The following CBX5 variants were observed in gnomAD, a reference collection of about 807,000 sequenced individuals.
CBX5 encodes the protein chromobox protein homolog 5.
A neutral mutation model predicts 20.7 loss-of-function variants in CBX5; 7 were observed. That is an observed-to-expected ratio of 0.34 (90% CI 0.19 to 0.63). The LOEUF is 0.63. Ranked by LOEUF, CBX5 falls within the 30% of genes least tolerant of loss-of-function variation. CBX5 has a pLI of 0.75. For synonymous variants in CBX5, 78 were observed against 77.0 expected (o/e 1.01, Z -0.07); for missense variants, 110 against 224.1 (o/e 0.49, Z 3.25).
chr12:54,259,520 A>G (rs1453250257), intron 1 of CBX5: 1 of 152,606 alleles, frequency 6.6e-6, no homozygotes, highest in Non-Finnish European at 1.5e-5. Context: ...GGATCGCCCC[A>G]GTTCTTTCTT....
At chr12:54,276,687 T>C (rs1050127512) in intron 1 of CBX5, 9 of 152,218 alleles carry the variant, frequency 5.9e-5, no homozygotes, top group Non-Finnish European at 1.0e-4. Flanking sequence ...CCTGGGTCTA[T>C]AAACAGCTGT....
chr12:54,262,044 G>C lies in CBX5; in HGVS notation c.-42-4352C>G, dbSNP rs73321066. On this transcript the variant is annotated intron_variant, in intron 1 of 4. Transcript: ENST00000209875. ...ACACATTAGTAGATAGCAAGAAAAA[G>C]AGGAACAGTGTCTTTGTTAACTAGG... Among the ~76,000 whole-genome samples, 336 of 152,314 alleles carry C rather than the reference G, an allele frequency of 2.2e-3. 3 individuals are homozygous for C. Among genetic ancestry groups the C allele is most frequent in the African/African-American group, 7.8e-3 (325 of 41,566 alleles).
At chr12:54,270,677 TGTGTA>T (rs545411817) in intron 1 of CBX5, among the ~76,000 whole-genome samples, 51 of 152,348 alleles carry the variant, frequency 3.3e-4, no homozygotes, top group African/African-American at 1.2e-3. Flanking sequence ...AGAAGTGTGT[TGTGTA>T]ATTTCAAAAT....
chr12:54,268,765 T>C (rs980206649), intron 1 of CBX5, among the ~76,000 whole-genome samples: 2 of 152,148 alleles, frequency 1.3e-5, no homozygotes, highest in African/African-American at 2.4e-5. Context: ...AACTTGTCAA[T>C]AGTGGAAAGA....
rs976314830 is a variant in CBX5 at position 54,238,979 on chromosome 12, T to C, written c.*2776A>G. ...TGAAACAGGTTTCTGTTTGAGGCTG[T>C]AATTCTTCTAGGGCAAGAACATCTA... On this transcript the variant is annotated 3_prime_UTR_variant, in exon 5 of 5. Transcript: ENST00000209875. 1.3e-5 allele frequency: 2 copies of C among 152,386 alleles called. No individual in the cohort carries two copies. Among genetic ancestry groups the C allele is most frequent in the East Asian group, 3.9e-4 (2 of 5,192 alleles). 9.4% of individuals were successfully genotyped at this position (152,386 alleles called of 1,614,324 possible).
In CBX5 at chr12:54,271,668, T is replaced by C. The variant is rs1422758796; in HGVS notation, c.-43+8340A>G. On this transcript the variant is annotated intron_variant, in intron 1 of 4. Transcript: ENST00000209875. ...TCCTTTGTGTATGTTGAAGCTTTAT[T>C]ATTAGCTTTTAGGACATTTAGGATT... is the stretch of plus-strand genomic sequence containing the variant. Among the ~76,000 whole-genome samples the C allele has an allele frequency of 3.3e-5, 5 of 152,238 alleles. No individual in the cohort carries two copies. The East Asian group carries it at 9.6e-4, about 29-fold the overall frequency.
chr12:54,245,778 C>CT (rs1350367755), intron 4 of CBX5, among the ~76,000 whole-genome samples: 5 of 151,426 alleles, frequency 3.3e-5, no homozygotes, highest in Non-Finnish European at 7.4e-5. Context: ...CAACAAGAGA[C>CT]TTTGTCTCAA....
In CBX5 at chr12:54,240,041, C is replaced by T. The variant is rs1943660548; in HGVS notation, c.*1714G>A. On this transcript the variant is annotated 3_prime_UTR_variant, in exon 5 of 5. Coordinates refer to ENST00000209875, the MANE Select transcript of CBX5 (RefSeq NM_012117.3). ...TGTATGTTTTAAAAATCAAAAACAA[C>T]AAGAAAAGCAGCCTCATGGCTGGTG... is the stretch of plus-strand genomic sequence containing the variant. 1 of 152,142 alleles carries T rather than the reference C, an allele frequency of 6.6e-6. No homozygotes were observed. 9.4% of individuals were successfully genotyped at this position (152,142 alleles called of 1,614,324 possible).
At chr12:54,246,780 CAA>C (rs772454046) in intron 3 of CBX5, among the ~76,000 whole-genome samples, 236 of 46,216 alleles carry the variant, frequency 5.1e-3, no homozygotes, top group African/African-American at 0.017. Context: ...GACTCCGTCT[CAA>C]AAAAAAAAAA....
In CBX5 at chr12:54,239,865, A is replaced by C. The variant is rs1332249938; in HGVS notation, c.*1890T>G. On this transcript the variant is annotated 3_prime_UTR_variant, in exon 5 of 5. Coordinates refer to ENST00000209875, the MANE Select transcript of CBX5 (RefSeq NM_012117.3). The stretch of plus-strand genomic sequence containing the variant: ...TTATATAAGCACACAGAATTCAATC[A>C]GCAGCTGAGCAGGGAAGCAATGTTA... 6.6e-6 allele frequency: 1 copy of C among 152,256 alleles called. No individual in the cohort carries two copies. Among genetic ancestry groups the C allele is most frequent in the Non-Finnish European group, 1.5e-5 (1 of 68,042 alleles). The allele number at this position is 152,256 out of a possible 1,614,324, so 9.4% of individuals were successfully genotyped here.
intron 1 of CBX5, among the ~76,000 whole-genome samples, chr12:54,279,250 AAC>A (rs890522716): frequency 2.6e-5 from 4 of 152,190 alleles, no homozygotes; most frequent in East Asian, 1.9e-4. Flanking sequence ...CTAACATTTT[AAC>A]AGTCTTCCTA....
intron 3 of CBX5, among the ~76,000 whole-genome samples, chr12:54,246,465 TAA>T (rs1943736864): frequency 6.6e-6 from 1 of 152,080 alleles, no homozygotes; most frequent in Non-Finnish European, 1.5e-5. Context: ...TGGTGAACCC[TAA>T]AAGTCTCTAA....
chr12:54,278,938 G>T (rs370289552), intron 1 of CBX5: 2 of 152,174 alleles, frequency 1.3e-5, no homozygotes, highest in Middle Eastern at 3.2e-3. Context: ...CTGGGCACAT[G>T]GATTACATAA....
intron 4 of CBX5, among the ~76,000 whole-genome samples, chr12:54,245,005 T>C (rs1035619064): frequency 6.6e-6 from 1 of 150,928 alleles, no homozygotes; most frequent in Non-Finnish European, 1.5e-5. Context: ...TATATATATA[T>C]ATTTATTATT....
At position 54,238,968 on chromosome 12, in the gene CBX5, GTT is replaced by G. The variant is rs1943649984; in HGVS notation, c.*2785_*2786del. ...AGAAAGCTCCATGAAACAGGTTTCT[GTT>G]TGAGGCTGTAATTCTTCTAGGGCAA... On this transcript the variant is annotated 3_prime_UTR_variant, in exon 5 of 5. Transcript: ENST00000209875. 6.6e-6 allele frequency: 1 copy of G among 152,238 alleles called. No individual in the cohort carries two copies. Among genetic ancestry groups the G allele is most frequent in the African/African-American group, 2.4e-5 (1 of 41,462 alleles). 9.4% of individuals were successfully genotyped at this position (152,238 alleles called of 1,614,324 possible). A position where few individuals can be genotyped will look rare whatever the true frequency, so the allele number is the denominator to read the frequency against.
Position 54,251,934 on chromosome 12 carries a change from T to C in CBX5, c.324+107A>G, listed in dbSNP as rs1256652344. ...CTCTTTTGTTCAACAATTTACCTTA[T>C]AGGTCCATCCTTACAATAGAAATAA... On this transcript the variant is annotated intron_variant, in intron 3 of 4. Transcript: ENST00000209875. 9 of 939,714 alleles carry C rather than the reference T, an allele frequency of 9.6e-6. No homozygotes were observed. The East Asian group carries it at 1.2e-4, about 12-fold the overall frequency. 58.2% of individuals were successfully genotyped at this position (939,714 alleles called of 1,614,324 possible). A position where few individuals can be genotyped will look rare whatever the true frequency, so the allele number is the denominator to read the frequency against.
intron 3 of CBX5, among the ~76,000 whole-genome samples, chr12:54,247,245 A>G (rs1039358470): frequency 2.6e-5 from 3 of 113,786 alleles, no homozygotes; most frequent in Admixed American, 8.7e-5. Context: ...AACAAACAAA[A>G]AAGAAAACAA....
intron 4 of CBX5, among the ~76,000 whole-genome samples, chr12:54,244,164 G>A (rs1943708708): frequency 6.6e-6 from 1 of 150,672 alleles, no homozygotes; most frequent in African/African-American, 2.4e-5. Flanking sequence ...ACCAAGCCTG[G>A]CTATTTTTTT....
intron 1 of CBX5, 56 bp from the exon 2 acceptor site, chr12:54,257,748 T>C: frequency 1.4e-6 from 2 of 1,391,056 alleles, no homozygotes; most frequent in Non-Finnish European, 2.0e-6. Flanking sequence ...AAAAACTTTG[T>C]CTTTTCTTGA....
Sources: allele counts gnomAD v4.1 joint callset (sites outside exome capture counted in the v4.1 genomes callset), GRCh38; gene constraint gnomAD v4.1.1; transcripts MANE v1.5; gene names NCBI Gene and HGNC (gene_info 2026-07-23, HGNC 2026-07-21).